The following SPEF2 variants were observed in gnomAD, a reference collection of about 807,000 sequenced individuals.
SPEF2 encodes sperm flagella and cilia-associated protein 2.
A neutral mutation model predicts 224.6 loss-of-function variants in SPEF2; 187 were observed. That is an observed-to-expected ratio of 0.83 (90% CI 0.74 to 0.94). The LOEUF (loss-of-function observed/expected upper bound fraction) is 0.94, where lower values mean the gene tolerates loss of function less well. Ranked by LOEUF, SPEF2 falls within the 40% of genes least tolerant of loss-of-function variation. The probability of loss-of-function intolerance (pLI) is 0.00; values close to 1 mark genes in which losing one functional copy is unlikely to be tolerated. For synonymous variants in SPEF2, 715 were observed against 707.3 expected (o/e 1.01, Z -0.17); for missense variants, 2,170 against 2,135.6 (o/e 1.02, Z -0.32).
chr5:35,802,163 T>C (rs1238551977), intron 34 of SPEF2, among the ~76,000 whole-genome samples: 1 of 152,128 alleles, frequency 6.6e-6, no homozygotes, highest in Non-Finnish European at 1.5e-5. Context: ...TGCCTCTCTG[T>C]CTTTACTCTT....
At position 35,795,768 on chromosome 5, in the gene SPEF2, AT is replaced by A; in HGVS notation, c.4806del (p.Phe1602LeufsTer8). On this transcript the variant is annotated frameshift_variant, in exon 33 of 37. Coordinates refer to ENST00000356031, the MANE Select transcript of SPEF2 (RefSeq NM_024867.4). LOFTEE classifies it high-confidence loss of function. ...CAGAAAATCCTCTTGAACCCCTTCC[AT>A]TTAATAGGCAGGAGCATCTTATAGA... The part of the protein sequence containing the change: ...IPENPLEPLP[F>X]NRQEHLIEFF... 1 of 1,613,806 alleles carries A rather than the reference AT, an allele frequency of 6.2e-7. No homozygotes were observed. Among genetic ancestry groups the A allele is most frequent in the Non-Finnish European group, 8.5e-7 (1 of 1,179,662 alleles).
In SPEF2 at chr5:35,771,745, A is replaced by G; in HGVS notation, c.3938A>G (p.Lys1313Arg). Reference protein sequence around the residue: ...KEPPKKKQEDKKPKGKSPPMA... With the variant: ...KEPPKKKQEDRKPKGKSPPMA... ...CCACCCAAGAAAAAACAGGAAGACA[A>G]AAAACCCAAAGGTATTTATGGTTTT... is the stretch of plus-strand genomic sequence containing the variant. Residue 1313 changes from lysine to arginine, a missense_variant, in exon 27 of 37, where the codon AAA becomes AGA. By Grantham distance (26) the Lys-to-Arg change is conservative. Coordinates refer to ENST00000356031, the MANE Select transcript of SPEF2 (RefSeq NM_024867.4). The G allele has an allele frequency of 6.3e-7, 1 of 1,589,768 alleles. No homozygotes were observed. Among genetic ancestry groups the G allele is most frequent in the Non-Finnish European group, 8.5e-7 (1 of 1,174,096 alleles).
At chr5:35,650,709 T>C (rs1172672228) in intron 6 of SPEF2, among the ~76,000 whole-genome samples, 2 of 152,194 alleles carry the variant, frequency 1.3e-5, no homozygotes, top group Non-Finnish European at 2.9e-5. Context: ...TTGGTTAGTG[T>C]CCTTGCCATG....
At chr5:35,747,097 A>C (rs1748659317) in intron 23 of SPEF2, among the ~76,000 whole-genome samples, 1 of 152,204 alleles carries the variant, frequency 6.6e-6, no homozygotes, top group Non-Finnish European at 1.5e-5. Flanking sequence ...GGAAAGACAT[A>C]GTCTTTTTCA....
At chr5:35,679,705 C>A (rs1164525822) in intron 10 of SPEF2, among the ~76,000 whole-genome samples, 4 of 152,194 alleles carry the variant, frequency 2.6e-5, no homozygotes, top group Non-Finnish European at 5.9e-5. Context: ...CTTCCCCACT[C>A]CAGGACTCAG....
chr5:35,670,754 TAG>T, intron 10 of SPEF2: 1 of 985,550 alleles, frequency 1.0e-6, no homozygotes, highest in Non-Finnish European at 1.2e-6. Flanking sequence ...CCTTTGAGAT[TAG>T]ACAGACTAGA....
At chr5:35,679,283 A>G (rs1336407633) in intron 10 of SPEF2, among the ~76,000 whole-genome samples, 2 of 152,186 alleles carry the variant, frequency 1.3e-5, no homozygotes, top group African/African-American at 4.8e-5. Flanking sequence ...TAGAACTGGA[A>G]CCAAGACAGT....
chr5:35,731,144 A>ACC (rs1745577607), intron 21 of SPEF2, among the ~76,000 whole-genome samples: 1 of 152,320 alleles, frequency 6.6e-6, no homozygotes, highest in Non-Finnish European at 1.5e-5. Context: ...GAAAATGGAA[A>ACC]CCCAGCTTGG....
In SPEF2 at chr5:35,790,596, C is replaced by A. The variant is rs78336696; in HGVS notation, c.4448-1744C>A. 7.8e-3 allele frequency: 2,649 copies of A among 338,876 alleles called. 58 individuals are homozygous for A. The highest frequency in any genetic ancestry group is 0.052 in the African/African-American group (2,485 of 47,338). 21.0% of individuals were successfully genotyped at this position (338,876 alleles called of 1,614,324 possible). A position where few individuals can be genotyped will look rare whatever the true frequency, so the allele number is the denominator to read the frequency against. The stretch of plus-strand genomic sequence containing the variant: ...AACTTCACTTATGTATTCCTGTGTT[C>A]TTTCACACTCTTTTGGTGGAGCTGT... On this transcript the variant is annotated intron_variant, in intron 30 of 36. Transcript: ENST00000356031.
At chr5:35,656,233 T>G (rs574988189) in intron 7 of SPEF2, among the ~76,000 whole-genome samples, 2 of 152,286 alleles carry the variant, frequency 1.3e-5, no homozygotes, top group South Asian at 4.2e-4. Flanking sequence ...CAAAGACCAT[T>G]TGAAGATGCT....
rs1751650688 is a variant in SPEF2 at position 35,763,580 on chromosome 5, A to G, written c.3679A>G (p.Thr1227Ala). The part of the protein sequence containing the change: ...SLETVTPKPK[T>A]KSVLKGKMDN... ...GGAAACAGTTACACCCAAACCAAAA[A>G]CAAAATCAGTACTGAAGGGCAAGAT... The change falls in exon 26 of 37, where the codon ACA becomes GCA. Residue 1227 changes from threonine (T) to alanine (A), a missense_variant. Thr to Ala is a moderately conservative substitution (Grantham distance 58, BLOSUM62 0). Coordinates refer to ENST00000356031, the MANE Select transcript of SPEF2 (RefSeq NM_024867.4). 1 of 1,613,108 alleles carries G rather than the reference A, an allele frequency of 6.2e-7. No homozygotes were observed. Among genetic ancestry groups the G allele is most frequent in the Non-Finnish European group, 8.5e-7 (1 of 1,179,708 alleles).
In SPEF2 at chr5:35,695,813, A is replaced by T. The variant is rs62351876; in HGVS notation, c.2037+17A>T. 1 of 1,568,030 alleles carries T rather than the reference A, an allele frequency of 6.4e-7. No individual in the cohort carries two copies. Among genetic ancestry groups the T allele is most frequent in the African/African-American group, 1.4e-5 (1 of 73,858 alleles). On this transcript the variant is annotated intron_variant, in intron 14 of 36. Coordinates refer to ENST00000356031, the MANE Select transcript of SPEF2 (RefSeq NM_024867.4). ...TTCTTAAAAGTAAGTATTATGATCT[A>T]ATTTTAGCTACTAACATATTAAAAC... is the stretch of plus-strand genomic sequence containing the variant.
intron 18 of SPEF2, among the ~76,000 whole-genome samples, chr5:35,708,520 C>T (rs2149587128): frequency 2.7e-5 from 1 of 36,822 alleles, no homozygotes; most frequent in East Asian, 8.4e-4. Context: ...TATTCCTCAT[C>T]ACCCCCATGC....
chr5:35,791,460 C>T (rs569170140), intron 30 of SPEF2: 1 of 151,996 alleles, frequency 6.6e-6, no homozygotes, highest in Admixed American at 6.6e-5. Flanking sequence ...AAAAGAAAAC[C>T]TTGGGATAGT....
intron 18 of SPEF2, among the ~76,000 whole-genome samples, chr5:35,706,080 G>T (rs1314938570): frequency 6.6e-6 from 1 of 151,384 alleles, no homozygotes; most frequent in Admixed American, 6.6e-5. Flanking sequence ...ACCCAGCAGA[G>T]TTAAATTTAA....
chr5:35,727,605 T>A (rs1472212841), intron 20 of SPEF2, 70 bp from the exon 21 acceptor site: 1 of 1,304,136 alleles, frequency 7.7e-7, no homozygotes, highest in African/African-American at 1.5e-5. Context: ...TAATTATAGA[T>A]GTATTCATCT....
intron 1 of SPEF2, among the ~76,000 whole-genome samples, chr5:35,625,235 T>A (rs1485400976): frequency 1.6e-4 from 24 of 152,200 alleles, no homozygotes; most frequent in Admixed American, 1.6e-3. Flanking sequence ...ACATTAAGTG[T>A]TTACTATTGT....
intron 6 of SPEF2, 49 bp downstream of exon 6, chr5:35,649,474 A>T: frequency 7.2e-7 from 1 of 1,398,422 alleles, no homozygotes; most frequent in Admixed American, 2.0e-5. Flanking sequence ...TCTGTTCTAC[A>T]CATAGCTTTT....
At chr5:35,646,568 T>C in intron 4 of SPEF2, 99 bp from the exon 5 acceptor site, 1 of 1,249,932 alleles carries the variant, frequency 8.0e-7, no homozygotes, top group Non-Finnish European at 1.1e-6. Flanking sequence ...GGTTCTGAAA[T>C]TTTCAATAGA....
Sources: gnomAD v4.1 joint callset for allele counts (sites outside exome capture counted in the v4.1 genomes callset) on GRCh38, gnomAD v4.1.1 for gene constraint, MANE v1.5 for transcripts, NCBI Gene and HGNC (gene_info 2026-07-23, HGNC 2026-07-21) for gene names.